RNF19A: variants seen among roughly 807,000 people sequenced by gnomAD.
The protein encoded by RNF19A is E3 ubiquitin-protein ligase RNF19A.
In RNF19A, 32 loss-of-function variants were observed where a neutral mutation model predicts 75.7. The ratio of observed to expected loss-of-function variants is 0.42; its 90% CI spans 0.32 to 0.57. RNF19A has a LOEUF of 0.57. RNF19A is among the 20% of genes least tolerant of loss of function. The pLI is 0.10. For synonymous variants in RNF19A, 335 were observed against 345.2 expected (o/e 0.97, Z 0.33); for missense variants, 782 against 1,036.3 (o/e 0.75, Z 3.37).
intron 1 of RNF19A, among the ~76,000 whole-genome samples, chr8:100,307,888 G>A (rs1436614724): frequency 1.3e-5 from 2 of 151,974 alleles, no homozygotes; most frequent in Non-Finnish European, 2.9e-5. Flanking sequence ...CGTGTGTTAG[G>A]CAGAAAATAA....
Position 100,332,869 on chromosome 8 carries a change from A to G in RNF19A, c.-243+3239T>C, listed in dbSNP as rs1245628227. ...CATTATTGATTGGTACAAGCTGTTTATATTTTGTGGAAATTAGCCTCTTTT... is the reference window on the plus strand; with the variant it reads ...CATTATTGATTGGTACAAGCTGTTTGTATTTTGTGGAAATTAGCCTCTTTT... On this transcript the variant is annotated intron_variant, in intron 1 of 3. Coordinates refer to the RNF19A transcript ENST00000519527. The surrounding 1 kb of genome is among the most constrained non-coding windows in gnomAD (Gnocchi z 4.8). Among the ~76,000 whole-genome samples the G allele has an allele frequency of 6.6e-6, 1 of 152,116 alleles. No individual in the cohort carries two copies. Among genetic ancestry groups the G allele is most frequent in the East Asian group, 1.9e-4 (1 of 5,200 alleles).
At chr8:100,283,564 T>C (rs1163760243) in intron 2 of RNF19A, among the ~76,000 whole-genome samples, 1 of 152,094 alleles carries the variant, frequency 6.6e-6, no homozygotes, top group Non-Finnish European at 1.5e-5. Flanking sequence ...GTCCTAGCCC[T>C]CAAAAGAGTG....
Position 100,269,232 on chromosome 8 carries a change from T to C in RNF19A, c.1029-285A>G, listed in dbSNP as rs1453179585. 6.6e-6 allele frequency among the ~76,000 whole-genome samples: 1 copy of C among 151,758 alleles called. No homozygotes were observed. The highest frequency in any genetic ancestry group is 1.9e-4 in the East Asian group (1 of 5,196). ...TTAAAAATTTATCCCTAGTCTTCCA[T>C]TACCCTCATACCCTTAAGTCAGTTT... On this transcript the variant is annotated intron_variant, in intron 4 of 9. Transcript: ENST00000341084. The surrounding 1 kb of genome is among the most constrained non-coding windows in gnomAD (Gnocchi z 5.7).
upstream of RNF19A, chr8:100,310,271 T>TCCGCGC: frequency 2.0e-6 from 2 of 983,250 alleles, no homozygotes; most frequent in Non-Finnish European, 2.4e-6. Flanking sequence ...GCACGTTCGT[T>TCCGCGC]CCGCGCCCGC....
rs1820916127 is a variant in RNF19A at position 100,284,256 on chromosome 8, G to A, written c.674+3245C>T. On this transcript the variant is annotated intron_variant, in intron 2 of 9. Coordinates refer to ENST00000341084, the MANE Select transcript of RNF19A (RefSeq NM_183419.4). This position sits in a 1 kb window ranked among gnomAD's most constrained non-coding sequence, Gnocchi z 4.3. The stretch of plus-strand genomic sequence containing the variant: ...ATCAGGTATTTACAGCTCATAATAA[G>A]TAAAGCTAACTTTTAATGAGGGCTT... Among the ~76,000 whole-genome samples, 2 of 152,060 alleles carry A rather than the reference G, an allele frequency of 1.3e-5. No homozygotes were observed. Among genetic ancestry groups the A allele is most frequent in the Admixed American group, 6.5e-5 (1 of 15,272 alleles).
intron 2 of RNF19A, among the ~76,000 whole-genome samples, chr8:100,285,277 A>G (rs892327754): frequency 7.9e-5 from 12 of 152,086 alleles, no homozygotes; most frequent in Admixed American, 4.6e-4. Flanking sequence ...TATAACCTAC[A>G]CCTCTGTAAT....
At chr8:100,327,582 C>T (rs1822552614) in intron 1 of RNF19A, among the ~76,000 whole-genome samples, 1 of 152,140 alleles carries the variant, frequency 6.6e-6, no homozygotes, top group Non-Finnish European at 1.5e-5. Context: ...CTTACTGCAT[C>T]AGTTCTTGAA....
At chr8:100,274,632 G>A (rs986434391) in intron 3 of RNF19A, among the ~76,000 whole-genome samples, 4 of 152,134 alleles carry the variant, frequency 2.6e-5, no homozygotes, top group South Asian at 2.1e-4. Context: ...TGGTCGGCCC[G>A]CCTCAGCCTC....
chr8:100,335,576 A>G (rs1822668557), intron 1 of RNF19A, among the ~76,000 whole-genome samples: 1 of 152,252 alleles, frequency 6.6e-6, no homozygotes, highest in Admixed American at 6.5e-5. Flanking sequence ...ATTACTCCAA[A>G]GTCTACTGTA....
In RNF19A at chr8:100,322,937, T is replaced by TTACAGATCACCATAACAGATA. The variant is rs1366447399; in HGVS notation, c.-242-9586_-242-9566dup. On this transcript the variant is annotated intron_variant, in intron 1 of 3. Transcript: ENST00000519527. This position sits in a 1 kb window ranked among gnomAD's most constrained non-coding sequence, Gnocchi z 5.1. Reference sequence around the variant, plus strand: ...CAATATTAACATCAAAGATCACTGATTACAGATCACCATAACAGATATAAT... The same window carrying TTACAGATCACCATAACAGATA: ...CAATATTAACATCAAAGATCACTGATTACAGATCACCATAACAGATATACAGATCACCATAACAGATATAAT... Among the ~76,000 whole-genome samples the TTACAGATCACCATAACAGATA allele has an allele frequency of 6.6e-6, 1 of 152,110 alleles. No individual in the cohort carries two copies. Among genetic ancestry groups the TTACAGATCACCATAACAGATA allele is most frequent in the Non-Finnish European group, 1.5e-5 (1 of 68,022 alleles).
chr8:100,316,773 G>A (rs901478576), intron 1 of RNF19A, among the ~76,000 whole-genome samples: 3 of 152,226 alleles, frequency 2.0e-5, no homozygotes, highest in African/African-American at 7.2e-5. Flanking sequence ...GTGCGCTCTC[G>A]CACTCCTCAG....
At position 100,264,824 on chromosome 8, in the gene RNF19A, A is replaced by C. The variant is rs960077426; in HGVS notation, c.1192-39T>G. On this transcript the variant is annotated intron_variant, in intron 5 of 9. Transcript: ENST00000341084. This position sits in a 1 kb window ranked among gnomAD's most constrained non-coding sequence, Gnocchi z 4.7. ...AAATAGGGGTGGGGGATTAAAGAGA[A>C]AATACATTACAATTTAACTTAGTTG... The C allele has an allele frequency of 7.2e-7, 1 of 1,379,628 alleles. No homozygotes were observed. The highest frequency in any genetic ancestry group is 1.0e-6 in the Non-Finnish European group (1 of 968,956). 85.5% of individuals were successfully genotyped at this position (1,379,628 alleles called of 1,614,324 possible).
chr8:100,308,711 T>C (rs1285025426), intron 1 of RNF19A, among the ~76,000 whole-genome samples: 2 of 151,920 alleles, frequency 1.3e-5, no homozygotes, highest in Admixed American at 6.6e-5. Flanking sequence ...ATGTGGAATG[T>C]AAAGATCACA....
Position 100,261,700 on chromosome 8 carries a change from A to G in RNF19A, c.1524T>C (p.Val508=), listed in dbSNP as rs1819724762. The G allele has an allele frequency of 6.2e-7, 1 of 1,614,010 alleles. No individual in the cohort carries two copies. Among genetic ancestry groups the G allele is most frequent in the Non-Finnish European group, 8.5e-7 (1 of 1,180,008 alleles). The change falls in exon 8 of 10, where the codon GTT becomes GTC. Residue 508 remains valine (V), a synonymous_variant. Transcript: ENST00000341084. This position sits in a 1 kb window ranked among gnomAD's most constrained non-coding sequence, Gnocchi z 4.4. ...RHNPSIGEGS[V]GGLTGSLSAS... Reference sequence around the variant, plus strand: ...CACTCAAACTGCCAGTCAGCCCACCAACACTTCCCTCCCCTATGCTTGGGT... The same window carrying G: ...CACTCAAACTGCCAGTCAGCCCACCGACACTTCCCTCCCCTATGCTTGGGT...
chr8:100,306,534 TA>T (rs1822068228), intron 1 of RNF19A, among the ~76,000 whole-genome samples: 2 of 152,206 alleles, frequency 1.3e-5, no homozygotes, highest in Non-Finnish European at 2.9e-5. Flanking sequence ...ATGACAGTGA[TA>T]AAGAGAGCAA....
rs2130419124 is a variant in RNF19A at position 100,332,739 on chromosome 8, TTG to T, written c.-243+3367_-243+3368del. Reference sequence around the variant, plus strand: ...TTTTCATTTTAACTTGCACACTTAATTGTGAGTGAAGTGGATTATCTTTTGTT... The same window carrying T: ...TTTTCATTTTAACTTGCACACTTAATTGAGTGAAGTGGATTATCTTTTGTT... On this transcript the variant is annotated intron_variant, in intron 1 of 3. Transcript: ENST00000519527. The surrounding 1 kb of genome is among the most constrained non-coding windows in gnomAD (Gnocchi z 4.8). Among the ~76,000 whole-genome samples, 1 of 152,326 alleles carries T rather than the reference TTG, an allele frequency of 6.6e-6. No individual in the cohort carries two copies. Among genetic ancestry groups the T allele is most frequent in the South Asian group, 2.1e-4 (1 of 4,828 alleles).
In RNF19A at chr8:100,292,918, C is replaced by T. The variant is rs1314788794; in HGVS notation, c.-93-4651G>A. On this transcript the variant is annotated intron_variant, in intron 1 of 9. Transcript: ENST00000341084. ...GTACTTTTCAATCTTTCTTGTGCAG[C>T]GGTGCCCAAACTTTTTGGTACCAGG... Among the ~76,000 whole-genome samples, 6 of 152,106 alleles carry T rather than the reference C, an allele frequency of 3.9e-5. No homozygotes were observed. The East Asian group carries it at 7.7e-4, about 20-fold the overall frequency.
rs530183628 is a variant in RNF19A, at chr8:100,317,130, G to A, written c.-242-3758C>T. ...GAACTCCAGCTGGCCCGCAAGCGCC[G>A]CACGCAGCCCAGCCCGGGTTCCCGC... On this transcript the variant is annotated intron_variant, in intron 1 of 3. Coordinates refer to the RNF19A transcript ENST00000519527. The surrounding 1 kb of genome is among the most constrained non-coding windows in gnomAD (Gnocchi z 4.3). Among the ~76,000 whole-genome samples the A allele has an allele frequency of 4.6e-5, 7 of 152,360 alleles. No individual in the cohort carries two copies. The highest frequency in any genetic ancestry group is 1.7e-4 in the African/African-American group (7 of 41,586).
chr8:100,315,999 C>T (rs748278328), intron 1 of RNF19A, among the ~76,000 whole-genome samples: 2 of 152,134 alleles, frequency 1.3e-5, no homozygotes, highest in South Asian at 2.1e-4. Flanking sequence ...AGAATGAAGC[C>T]GTGGACCCTT....
Sources: allele counts gnomAD v4.1 joint callset (sites outside exome capture counted in the v4.1 genomes callset), GRCh38; gene constraint gnomAD v4.1.1; non-coding constraint Gnocchi (gnomAD v3.1); transcripts MANE v1.5; gene names NCBI Gene and HGNC (gene_info 2026-07-23, HGNC 2026-07-21).